Variants in BICDL1 observed in about 807,000 individuals in gnomAD.
The protein encoded by BICDL1 is BICD family like cargo adaptor 1.
A neutral mutation model predicts 76.8 loss-of-function variants in BICDL1; 20 were observed. The ratio of observed to expected loss-of-function variants is 0.26; its 90% CI spans 0.18 to 0.38. BICDL1 has a LOEUF of 0.38. Among genes scored for constraint, BICDL1 ranks in the 10% least tolerant of loss-of-function variants. The pLI, the probability that BICDL1 is intolerant of heterozygous loss-of-function variation, is 1.00. For missense variants in BICDL1, 700 were observed against 798.6 expected (o/e 0.88, Z 1.49); for synonymous variants, 383 against 337.1 (o/e 1.14, Z -1.49).
chr12:120,045,817 C>T (rs1453882638), intron 2 of BICDL1, among the ~76,000 whole-genome samples: 1 of 150,792 alleles, frequency 6.6e-6, no homozygotes, highest in African/African-American at 2.5e-5. Context: ...ATACCTAATG[C>T]TAGATGACGA....
chr12:120,046,389 T>C (rs1469371764), intron 2 of BICDL1, among the ~76,000 whole-genome samples: 4 of 152,252 alleles, frequency 2.6e-5, no homozygotes, highest in Non-Finnish European at 5.9e-5. Context: ...AGCTGGCTTA[T>C]AATAATGATG....
At chr12:120,040,922 T>A (rs1224698847) in intron 2 of BICDL1, among the ~76,000 whole-genome samples, 1 of 151,984 alleles carries the variant, frequency 6.6e-6, no homozygotes, top group Non-Finnish European at 1.5e-5. Flanking sequence ...AATTTTTGTA[T>A]TTTTAGTAGA....
chr12:120,058,561 C>T (rs1953031304), intron 2 of BICDL1, among the ~76,000 whole-genome samples: 1 of 151,932 alleles, frequency 6.6e-6, no homozygotes, highest in South Asian at 2.1e-4. Context: ...TCCTGATGGG[C>T]CAGCCCTACC....
chr12:120,064,895 A>G lies in BICDL1; in HGVS notation c.909+16A>G. 2.5e-6 allele frequency: 4 copies of G among 1,594,488 alleles called. No individual in the cohort carries two copies. In the South Asian group the frequency reaches 4.5e-5, roughly 18 times the overall value. On this transcript the variant is annotated intron_variant, in intron 4 of 9. Transcript: ENST00000548673. ...GGACCTACAGGTACTGGGGTAGAGA[A>G]GCTGTCCTGCAGGACTAGAGCCAGA...
At chr12:120,029,446 A>T (rs1388578271) in intron 2 of BICDL1, among the ~76,000 whole-genome samples, 7 of 152,122 alleles carry the variant, frequency 4.6e-5, no homozygotes, top group Non-Finnish European at 8.8e-5. Context: ...TGAAATGTAG[A>T]TCTATTTAGA....
intron 2 of BICDL1, among the ~76,000 whole-genome samples, chr12:119,999,462 AATTG>A (rs1951718291): frequency 6.6e-6 from 1 of 152,242 alleles, no homozygotes; most frequent in African/African-American, 2.4e-5. Flanking sequence ...TTTCTAGAGC[AATTG>A]ATTTTTATTG....
At chr12:120,081,389 T>C (rs1280165496) in intron 8 of BICDL1, among the ~76,000 whole-genome samples, 12 of 148,360 alleles carry the variant, frequency 8.1e-5, no homozygotes, top group Non-Finnish European at 1.8e-4. Context: ...TTTGCCCTTC[T>C]TGTCCAGGCT....
chr12:120,003,745 T>A (rs555372517), intron 2 of BICDL1, among the ~76,000 whole-genome samples: 3 of 152,250 alleles, frequency 2.0e-5, no homozygotes, highest in Non-Finnish European at 4.4e-5. Flanking sequence ...CAGGTCCTTT[T>A]GCATTGCACT....
intron 2 of BICDL1, among the ~76,000 whole-genome samples, chr12:120,056,665 C>T (rs555263100): frequency 5.0e-4 from 76 of 151,764 alleles, no homozygotes; most frequent in African/African-American, 1.7e-3. Flanking sequence ...TGCAGTTAGC[C>T]GAGATCGCGC....
At position 120,071,292 on chromosome 12, in the gene BICDL1, C is replaced by T. The variant is rs1429631168; in HGVS notation, c.910-330C>T. Among the ~76,000 whole-genome samples, 1 of 151,868 alleles carries T rather than the reference C, an allele frequency of 6.6e-6. No individual in the cohort carries two copies. Among genetic ancestry groups the T allele is most frequent in the Non-Finnish European group, 1.5e-5 (1 of 67,984 alleles). ...AAGTAGCTGGGATTTCAGGTACCCG[C>T]CACCACGCCCAGCTAATTTTTGTAT... On this transcript the variant is annotated intron_variant, in intron 4 of 9. Transcript: ENST00000548673. The surrounding 1 kb of genome is among the most constrained non-coding windows in gnomAD (Gnocchi z 4.8).
chr12:120,019,618 G>A (rs1952138263), intron 2 of BICDL1, among the ~76,000 whole-genome samples: 2 of 152,062 alleles, frequency 1.3e-5, no homozygotes, highest in African/African-American at 4.8e-5. Context: ...TTGTTAGTTT[G>A]TTTTTTTGAG....
chr12:119,996,815 G>A (rs1951657431), intron 1 of BICDL1, among the ~76,000 whole-genome samples: 1 of 152,124 alleles, frequency 6.6e-6, no homozygotes. Context: ...AGCATCAAAA[G>A]TTCAGGACCA....
At chr12:120,057,865 G>A (rs1484245794) in intron 2 of BICDL1, among the ~76,000 whole-genome samples, 1 of 121,264 alleles carries the variant, frequency 8.2e-6, no homozygotes, top group African/African-American at 3.4e-5. Flanking sequence ...GAGTCTTGCT[G>A]TGTCGCCCAG....
chr12:120,015,829 C>G (rs1952049250), intron 2 of BICDL1, among the ~76,000 whole-genome samples: 1 of 152,226 alleles, frequency 6.6e-6, no homozygotes, highest in Non-Finnish European at 1.5e-5. Flanking sequence ...GGTTCCCAGT[C>G]TTTCAGTGTA....
chr12:120,070,037 C>T (rs188805594), intron 4 of BICDL1, among the ~76,000 whole-genome samples: 2 of 152,276 alleles, frequency 1.3e-5, no homozygotes, highest in Admixed American at 1.3e-4. Flanking sequence ...CCGCAATTCA[C>T]TTATTTTATT....
At chr12:120,029,072 T>C (rs1397088493) in intron 2 of BICDL1, among the ~76,000 whole-genome samples, 1 of 152,150 alleles carries the variant, frequency 6.6e-6, no homozygotes, top group Non-Finnish European at 1.5e-5. Context: ...AGGATCCTCT[T>C]AACATTGCCT....
At chr12:120,033,789 A>G (rs1177927753) in intron 2 of BICDL1, among the ~76,000 whole-genome samples, 4 of 152,066 alleles carry the variant, frequency 2.6e-5, no homozygotes, top group Admixed American at 2.0e-4. Flanking sequence ...GAGTATATAT[A>G]TATATAAGCT....
intron 6 of BICDL1, among the ~76,000 whole-genome samples, chr12:120,073,181 C>A (rs1323352512): frequency 1.3e-5 from 2 of 152,196 alleles, no homozygotes; most frequent in Non-Finnish European, 2.9e-5. Context: ...GCCGTGAGCC[C>A]TTATTTGAGA....
chr12:120,075,868 CTG>C (rs1873506027), intron 7 of BICDL1, among the ~76,000 whole-genome samples: 4 of 152,200 alleles, frequency 2.6e-5, no homozygotes, highest in Admixed American at 1.3e-4. Flanking sequence ...CCATTTCAAT[CTG>C]TGGCTTGGCC....
Sources: allele counts gnomAD v4.1 joint callset (sites outside exome capture counted in the v4.1 genomes callset), GRCh38; gene constraint gnomAD v4.1.1; non-coding constraint Gnocchi (gnomAD v3.1); transcripts MANE v1.5; gene names NCBI Gene and HGNC (gene_info 2026-07-23, HGNC 2026-07-21).